KCNMB2: variants seen among roughly 807,000 people sequenced by gnomAD.
KCNMB2 encodes the protein potassium calcium-activated channel subfamily M regulatory beta subunit 2, also known as calcium-activated potassium channel subunit beta-2.
In KCNMB2, 9 loss-of-function variants were observed where a neutral mutation model predicts 24.5. That is an observed-to-expected ratio of 0.37 (90% CI 0.22 to 0.64). KCNMB2 has a LOEUF of 0.64. Among genes scored for constraint, KCNMB2 ranks in the 30% least tolerant of loss-of-function variants. The pLI is 0.63. For synonymous variants in KCNMB2, 109 were observed against 104.4 expected, an observed-to-expected ratio of 1.04 and a Z score of -0.27; for missense variants, 226 against 284.3, an observed-to-expected ratio of 0.79 and a Z score of 1.47.
intron 1 of KCNMB2, among the ~76,000 whole-genome samples, chr3:178,602,382 C>T (rs1718114575): frequency 6.6e-6 from 1 of 151,920 alleles, no homozygotes; most frequent in African/African-American, 2.4e-5. Flanking sequence ...TTAATAGCTT[C>T]AGTGAAATAA....
At chr3:178,651,584 T>C (rs1720122532) in intron 1 of KCNMB2, among the ~76,000 whole-genome samples, 1 of 152,188 alleles carries the variant, frequency 6.6e-6, no homozygotes, top group Non-Finnish European at 1.5e-5. Flanking sequence ...AAAGTTCATA[T>C]GGAACCAAAA....
chr3:178,766,792 T>C (rs1384152833), intron 1 of KCNMB2, among the ~76,000 whole-genome samples: 2 of 152,212 alleles, frequency 1.3e-5, no homozygotes, highest in African/African-American at 2.4e-5. Flanking sequence ...ATCATGATGT[T>C]GATATAATTT....
At chr3:178,729,780 G>A (rs1336505992) in intron 1 of KCNMB2, among the ~76,000 whole-genome samples, 1 of 152,152 alleles carries the variant, frequency 6.6e-6, no homozygotes, top group Non-Finnish European at 1.5e-5. Flanking sequence ...GCACTTCCTG[G>A]AAGATGGTTT....
chr3:178,732,736 C>T (rs1349228479), intron 1 of KCNMB2, among the ~76,000 whole-genome samples: 1 of 152,164 alleles, frequency 6.6e-6, no homozygotes, highest in African/African-American at 2.4e-5. Context: ...CAAAAATATA[C>T]ATGAAACAAA....
At chr3:178,819,027 G>A (rs957710176) in intron 2 of KCNMB2, among the ~76,000 whole-genome samples, 7 of 152,216 alleles carry the variant, frequency 4.6e-5, no homozygotes, top group Non-Finnish European at 8.8e-5. Flanking sequence ...TCCCTAACTG[G>A]CAGGCTTCCT....
chr3:178,736,138 G>A (rs1001914599), intron 1 of KCNMB2, among the ~76,000 whole-genome samples: 6 of 152,166 alleles, frequency 3.9e-5, no homozygotes, highest in Admixed American at 2.6e-4. Context: ...TCCCCTGGAC[G>A]CTGAATAAAT....
chr3:178,636,500 T>C (rs1389704521), intron 1 of KCNMB2, among the ~76,000 whole-genome samples: 2 of 152,168 alleles, frequency 1.3e-5, no homozygotes, highest in Non-Finnish European at 2.9e-5. Context: ...AAAACACAAA[T>C]AGAGGGACCC....
At chr3:178,567,370 T>C (rs1716564513) in intron 1 of KCNMB2, among the ~76,000 whole-genome samples, 1 of 152,160 alleles carries the variant, frequency 6.6e-6, no homozygotes, top group Non-Finnish European at 1.5e-5. Context: ...AATGTCTAAA[T>C]GTGGAGATTA....
chr3:178,770,534 C>A (rs574718368), intron 1 of KCNMB2, among the ~76,000 whole-genome samples: 2 of 152,166 alleles, frequency 1.3e-5, no homozygotes, highest in Non-Finnish European at 2.9e-5. Context: ...ACCTACTTCA[C>A]AAGTGTCATA....
At position 178,776,556 on chromosome 3, in the gene KCNMB2, T is replaced by C. The variant is rs115516255; in HGVS notation, c.-67-30787T>C. On this transcript the variant is annotated intron_variant, in intron 1 of 4. Coordinates refer to ENST00000452583, the MANE Select transcript of KCNMB2 (RefSeq NM_181361.3). Reference sequence around the variant, plus strand: ...TGAAGTTCAAATTTTTAAAAAATAATTTAAATGTTTAATGGGACACCATCA... The same window carrying C: ...TGAAGTTCAAATTTTTAAAAAATAACTTAAATGTTTAATGGGACACCATCA... 1.9e-3 allele frequency among the ~76,000 whole-genome samples: 295 copies of C among 152,286 alleles called. 3 individuals are homozygous for C. The highest frequency in any genetic ancestry group is 6.6e-3 in the African/African-American group (275 of 41,558).
At chr3:178,656,588 C>G (rs1329330043) in intron 1 of KCNMB2, among the ~76,000 whole-genome samples, 2 of 151,972 alleles carry the variant, frequency 1.3e-5, no homozygotes, top group African/African-American at 4.8e-5. Context: ...GTCTGGACAA[C>G]AAGGTGAAAC....
intron 1 of KCNMB2, among the ~76,000 whole-genome samples, chr3:178,751,510 G>A (rs1723845437): frequency 7.1e-6 from 1 of 141,592 alleles, no homozygotes; most frequent in Non-Finnish European, 1.5e-5. Flanking sequence ...GGAGGCAGAG[G>A]TTGCAGTGAG....
At chr3:178,827,878 G>A (rs10936979) in intron 3 of KCNMB2, among the ~76,000 whole-genome samples, 98,243 of 152,100 alleles carry the variant, frequency 0.65, 33,630 homozygotes, top group African/African-American at 0.87. Context: ...TGATTTTAAA[G>A]TATGCCTCAT....
At chr3:178,637,766 C>T (rs149940997) in intron 1 of KCNMB2, among the ~76,000 whole-genome samples, 88 of 152,196 alleles carry the variant, frequency 5.8e-4, no homozygotes, top group Non-Finnish European at 9.7e-4. Context: ...CATAACAAAC[C>T]CTGCATATGG....
intron 1 of KCNMB2, among the ~76,000 whole-genome samples, chr3:178,786,647 T>C (rs1352742402): frequency 6.6e-6 from 1 of 152,084 alleles, no homozygotes; most frequent in Non-Finnish European, 1.5e-5. Flanking sequence ...CATTTACGAG[T>C]TAATGGGTGC....
intron 1 of KCNMB2, among the ~76,000 whole-genome samples, chr3:178,727,223 C>A (rs1156258330): frequency 6.6e-6 from 1 of 152,076 alleles, no homozygotes; most frequent in Non-Finnish European, 1.5e-5. Flanking sequence ...CTCATCTAAT[C>A]CAAAGTTCCC....
At chr3:178,708,599 C>G (rs1301793962) in intron 1 of KCNMB2, among the ~76,000 whole-genome samples, 3 of 152,128 alleles carry the variant, frequency 2.0e-5, no homozygotes, top group South Asian at 2.1e-4. Context: ...ACTTTACCAA[C>G]AAAAATAACA....
intron 1 of KCNMB2, among the ~76,000 whole-genome samples, chr3:178,634,811 T>G (rs1350806420): frequency 2.0e-5 from 3 of 152,160 alleles, no homozygotes; most frequent in Non-Finnish European, 4.4e-5. Context: ...TGAGTGCCTA[T>G]GACCCTGAAG....
rs1715481862 is a variant in KCNMB2, at chr3:178,842,961, T to G, written c.*24T>G. 1.9e-6 allele frequency: 3 copies of G among 1,579,410 alleles called. No individual in the cohort carries two copies. Among genetic ancestry groups the G allele is most frequent in the East Asian group, 4.5e-5 (2 of 44,532 alleles). ...AAATGCAAAAATGGATAAAATAATT[T>G]TTGTTAAAGCTCAAATACTGTTTTC... On this transcript the variant is annotated 3_prime_UTR_variant, in exon 5 of 5. Transcript: ENST00000452583.
Sources: allele counts gnomAD v4.1 joint callset (sites outside exome capture counted in the v4.1 genomes callset), GRCh38; gene constraint gnomAD v4.1.1; transcripts MANE v1.5; gene names NCBI Gene and HGNC (gene_info 2026-07-23, HGNC 2026-07-21).